DDX3X: variants seen among roughly 807,000 people sequenced by gnomAD.
The protein encoded by DDX3X is ATP-dependent RNA helicase DDX3X.
Under a neutral mutation model 52.7 loss-of-function variants are expected in DDX3X, and 4 were observed. That is an observed-to-expected ratio of 0.08 (90% CI 0.04 to 0.17). The LOEUF is 0.17. Ranked by LOEUF, DDX3X falls within the 10% of genes least tolerant of loss-of-function variation. The probability of loss-of-function intolerance (pLI) is 1.00; values close to 1 mark genes in which losing one functional copy is unlikely to be tolerated. For synonymous variants in DDX3X, 192 were observed against 178.1 expected, an observed-to-expected ratio of 1.08 and a Z score of -0.62; for missense variants, 222 against 548.6, an observed-to-expected ratio of 0.40 and a Z score of 5.95.
chrX:41,358,852 G>A (rs1441570129), intron 5 of DDX3X, among the ~76,000 whole-genome samples: 1 of 111,599 alleles, frequency 9.0e-6, no homozygotes, highest in East Asian at 2.8e-4. Context: ...TCCGCCTCCC[G>A]GGTTCAGGCA....
intron 10 of DDX3X, chrX:41,344,678 TC>T: frequency 3.0e-6 from 1 of 338,803 alleles, no homozygotes; most frequent in Non-Finnish European, 5.3e-6. Context: ...CCTCAGGTGA[TC>T]CGCCTGCCTT....
rs2063926912 is a variant in DDX3X, at chrX:41,346,486, C to T, written c.1498-19C>T. 8.4e-7 allele frequency: 1 copy of T among 1,196,321 alleles called. No homozygotes were observed. The highest frequency in any genetic ancestry group is 1.1e-6 in the Non-Finnish European group (1 of 884,571). On this transcript the variant is annotated intron_variant, in intron 13 of 16. Coordinates refer to ENST00000644876, the MANE Select transcript of DDX3X (RefSeq NM_001356.5). ...GTTTTCTTTTAAGTGGGCCATATCT[C>T]ATAAAAGTTATTTTCCAGGTAGCAG...
downstream of DDX3X, among the ~76,000 whole-genome samples, chrX:41,353,711 T>G (rs994538064): frequency 9.3e-6 from 1 of 107,248 alleles, no homozygotes. Context: ...GTGGAGGTTG[T>G]AGTGAGCCAA....
chrX:41,338,316 T>G (rs906969264), intron 2 of DDX3X: 2 of 111,908 alleles, frequency 1.8e-5, no homozygotes, highest in African/African-American at 3.3e-5. Context: ...GCTTTAACTT[T>G]CACCTTATTT....
chrX:41,338,418 C>G (rs1263874932), intron 2 of DDX3X: 9 of 111,310 alleles, frequency 8.1e-5, no homozygotes, highest in African/African-American at 2.9e-4. Context: ...AAAAATGACA[C>G]GTTTACTAGT....
chrX:41,346,435 T>C (rs2063925674), intron 13 of DDX3X, 25 bp downstream of exon 13: 1 of 1,201,643 alleles, frequency 8.3e-7, no homozygotes, highest in East Asian at 3.0e-5. Context: ...CTTTCTTTTA[T>C]TCAAATTGAG....
downstream of DDX3X, among the ~76,000 whole-genome samples, chrX:41,351,911 G>A (rs1365306971): frequency 1.8e-5 from 2 of 111,161 alleles, no homozygotes; most frequent in African/African-American, 3.3e-5. Flanking sequence ...TTGGAAAGAT[G>A]TTTATTATGG....
chrX:41,350,353 A>G (rs1196183303), downstream of DDX3X: 1 of 112,418 alleles, frequency 8.9e-6, no homozygotes, highest in Non-Finnish European at 1.9e-5. Flanking sequence ...CTCATACCAT[A>G]AGTATTTGCA....
chrX:41,359,370 G>GC (rs1198413435), intron 5 of DDX3X, among the ~76,000 whole-genome samples: 7 of 110,772 alleles, frequency 6.3e-5, no homozygotes, highest in Middle Eastern at 4.8e-3. Context: ...ACTTTGGGAG[G>GC]TGGGCATATC....
At chrX:41,345,692 G>T (rs1355323555) in intron 12 of DDX3X, 144 bp downstream of exon 12, 19 of 535,778 alleles carry the variant, frequency 3.5e-5, no homozygotes, top group Non-Finnish European at 4.6e-5. Context: ...ACCTGGGCCT[G>T]TTCACCCCTC....
chrX:41,337,717 C>T, intron 2 of DDX3X: 1 of 251,333 alleles, frequency 4.0e-6, no homozygotes, highest in Non-Finnish European at 6.9e-6. Context: ...GTGATCTCGG[C>T]TCACCGCAGT....
intron 10 of DDX3X, 39 bp downstream of exon 10, chrX:41,344,438 G>T (rs1263378975): frequency 8.3e-7 from 1 of 1,200,112 alleles, no homozygotes; most frequent in Non-Finnish European, 1.1e-6. Flanking sequence ...GTTTTGTTTT[G>T]TTTTGTTCTT....
In DDX3X at chrX:41,343,789, A is replaced by G. The variant is rs767558278; in HGVS notation, c.732A>G (p.Ser244=). 4 of 1,210,534 alleles carry G rather than the reference A, an allele frequency of 3.3e-6. No individual in the cohort carries two copies. Among genetic ancestry groups the G allele is most frequent in the East Asian group, 5.9e-5 (2 of 33,842 alleles). ...FLLPILSQIY[S]DGPGEALRAM... ...TGCCCATCTTGAGTCAGATTTATTC[A>G]GATGGTCCAGGCGAGGCTTTGAGGG... Residue 244 remains serine (S), a synonymous_variant, in exon 8 of 17, where the codon TCA becomes TCG. Coordinates refer to ENST00000644876, the MANE Select transcript of DDX3X (RefSeq NM_001356.5).
intron 4 of DDX3X, chrX:41,342,058 TTTCTACCTTTTATCCAAA>T (rs2147349613): frequency 6.5e-6 from 1 of 153,243 alleles, no homozygotes; most frequent in Non-Finnish European, 1.3e-5. Context: ...TAAGGATTAT[TTTCTACCTTTTATCCAAA>T]GTCTGTCACA....
chrX:41,343,149 T>A, intron 6 of DDX3X, 67 bp from the exon 7 acceptor site: 2 of 1,116,648 alleles, frequency 1.8e-6, no homozygotes, highest in Non-Finnish European at 2.4e-6. Flanking sequence ...GTTGGTTGTT[T>A]CCATTATTAG....
downstream of DDX3X, chrX:41,351,707 A>G (rs1182376685): frequency 9.0e-6 from 1 of 110,879 alleles, no homozygotes; most frequent in African/African-American, 3.3e-5. Context: ...TTTATGATCT[A>G]TTTTTCAGCA....
intron 5 of DDX3X, chrX:41,364,129 C>T (rs769246103): frequency 6.9e-6 from 2 of 288,734 alleles, no homozygotes; most frequent in Non-Finnish European, 1.2e-5. Flanking sequence ...CAGCCTTGTA[C>T]TCCAGGAGAG....
chrX:41,345,089 T>C, intron 10 of DDX3X, 91 bp from the exon 11 acceptor site: 1 of 872,493 alleles, frequency 1.1e-6, no homozygotes, highest in East Asian at 3.1e-5. Context: ...TATACAATTG[T>C]ATTTGTAATT....
chrX:41,345,028 A>AAT (rs1210813384), intron 10 of DDX3X, 152 bp from the exon 11 acceptor site: 6 of 530,155 alleles, frequency 1.1e-5, no homozygotes, highest in Non-Finnish European at 1.8e-5. Flanking sequence ...TGTGTCTGTA[A>AAT]AATTATGCAG....
Sources: allele counts gnomAD v4.1 joint callset (sites outside exome capture counted in the v4.1 genomes callset), GRCh38; gene constraint gnomAD v4.1.1; transcripts MANE v1.5; gene names NCBI Gene and HGNC (gene_info 2026-07-23, HGNC 2026-07-21).